The following STRADA variants were observed in gnomAD, a reference collection of about 807,000 sequenced individuals.
STRADA encodes the protein STE20 related adaptor alpha, also known as STE20-related kinase adapter protein alpha.
STRADA carries 26 observed loss-of-function variants against 55.0 expected under a neutral mutation model. The observed-to-expected ratio is 0.47, with a 90% confidence interval of 0.35 to 0.66. STRADA has a LOEUF of 0.66. STRADA is among the 30% of genes least tolerant of loss of function. The pLI is 0.01. For synonymous variants in STRADA, 197 were observed against 210.9 expected, an observed-to-expected ratio of 0.93 and a Z score of 0.57; for missense variants, 443 against 549.7, an observed-to-expected ratio of 0.81 and a Z score of 1.94.
intron 2 of STRADA, 113 bp downstream of exon 2, chr17:63,728,221 C>T: frequency 1.1e-6 from 1 of 935,428 alleles, no homozygotes. Context: ...CTACATCCCT[C>T]ACTTCCGTAT....
chr17:63,706,611 G>A, intron 10 of STRADA, 24 bp downstream of exon 10: 1 of 1,587,972 alleles, frequency 6.3e-7, no homozygotes, highest in South Asian at 1.1e-5. Context: ...AGGCAAGAAG[G>A]AAACCGATGG....
rs59155094 is a variant in STRADA at position 63,737,248 on chromosome 17, C to CAAAAAAAAAAAAAAAAAAAAAAAAAA, written c.-45+4467_-45+4492dup. ...TGGGTGACAGAGCAACACTCTATCT[C>CAAAAAAAAAAAAAAAAAAAAAAAAAA]AAAAAAAAAAAAAAAAAAAAAAAAA... is the stretch of plus-strand genomic sequence containing the variant. On this transcript the variant is annotated intron_variant, in intron 1 of 12. Coordinates refer to ENST00000336174, the MANE Select transcript of STRADA (RefSeq NM_001003787.4). The CAAAAAAAAAAAAAAAAAAAAAAAAAA allele has an allele frequency of 1.8e-4, 13 of 72,592 alleles. 1 individual carries two copies. Among genetic ancestry groups the CAAAAAAAAAAAAAAAAAAAAAAAAAA allele is most frequent in the South Asian group, 3.8e-4 (1 of 2,620 alleles). 4.5% of individuals were successfully genotyped at this position (72,592 alleles called of 1,614,324 possible).
intron 1 of STRADA, among the ~76,000 whole-genome samples, chr17:63,740,131 CAT>C (rs1568234036): frequency 2.8e-4 from 13 of 46,486 alleles, no homozygotes; most frequent in African/African-American, 1.7e-3. Context: ...TATATATACA[CAT>C]ACATATATAT....
chr17:63,705,471 T>C (rs985587349), intron 10 of STRADA: 28 of 161,288 alleles, frequency 1.7e-4, no homozygotes, highest in Non-Finnish European at 2.3e-4. Flanking sequence ...TTTACTGAGA[T>C]CTCCTAGATT....
intron 8 of STRADA, among the ~76,000 whole-genome samples, chr17:63,709,330 T>C (rs1250240854): frequency 6.6e-6 from 1 of 152,232 alleles, no homozygotes; most frequent in Non-Finnish European, 1.5e-5. Flanking sequence ...TTGTTTTTCA[T>C]TTGCTTTTCT....
At chr17:63,712,505 G>A (rs905674129) in intron 6 of STRADA, 1 of 152,374 alleles carries the variant, frequency 6.6e-6, no homozygotes, top group Admixed American at 6.5e-5. Context: ...TCGAGCTCAG[G>A]AGTTTGAGAC....
chr17:63,737,990 G>C (rs2038571594), intron 1 of STRADA, among the ~76,000 whole-genome samples: 1 of 148,886 alleles, frequency 6.7e-6, no homozygotes, highest in Non-Finnish European at 1.5e-5. Context: ...CCGTCGAAAA[G>C]AAAAGAAAAG....
chr17:63,714,069 TA>T lies in STRADA; in HGVS notation c.162del (p.Lys55AsnfsTer5). ...AGAAAGCTACTCATGACCTCCTGTTTAGAGAAGGATGCTATTGACTCTGAGC... is the reference window on the plus strand; with the variant it reads ...AGAAAGCTACTCATGACCTCCTGTTTGAGAAGGATGCTATTGACTCTGAGC... ...DASSESIASF[S>X]KQEVMSSFLP... On this transcript the variant is annotated frameshift_variant, in exon 5 of 13. Transcript: ENST00000336174. LOFTEE classifies it high-confidence loss of function. The T allele has an allele frequency of 4.3e-6, 7 of 1,613,892 alleles. No homozygotes were observed. The highest frequency in any genetic ancestry group is 5.9e-6 in the Non-Finnish European group (7 of 1,179,908).
chr17:63,721,982 A>G (rs1299127897), intron 4 of STRADA, among the ~76,000 whole-genome samples: 1 of 152,244 alleles, frequency 6.6e-6, no homozygotes, highest in Non-Finnish European at 1.5e-5. Context: ...AGTCTAGATC[A>G]TCTGACATTG....
At chr17:63,724,984 T>C (rs1015237908) in intron 3 of STRADA, among the ~76,000 whole-genome samples, 7 of 152,000 alleles carry the variant, frequency 4.6e-5, no homozygotes, top group Admixed American at 1.3e-4. Context: ...CTAACAAGTT[T>C]GAGTTTTCAA....
At chr17:63,739,140 C>CAAAAA (rs35963636) in intron 1 of STRADA, among the ~76,000 whole-genome samples, 15 of 69,358 alleles carry the variant, frequency 2.2e-4, no homozygotes, top group Middle Eastern at 0.011. Context: ...GACTCCATCT[C>CAAAAA]AAAAAAAAAA....
chr17:63,708,096 G>A (rs979731496), intron 8 of STRADA, among the ~76,000 whole-genome samples: 12 of 152,140 alleles, frequency 7.9e-5, no homozygotes, highest in African/African-American at 2.9e-4. Flanking sequence ...GGCCATGCCA[G>A]TCTTGAACTC....
chr17:63,719,830 T>C (rs956762222), intron 4 of STRADA, among the ~76,000 whole-genome samples: 25 of 152,228 alleles, frequency 1.6e-4, no homozygotes, highest in Admixed American at 4.6e-4. Context: ...CAGGCGTGCA[T>C]ATAAGCTTAT....
intron 2 of STRADA, chr17:63,726,937 T>C (rs2037702702): frequency 1.9e-6 from 1 of 535,442 alleles, no homozygotes; most frequent in Non-Finnish European, 3.3e-6. Flanking sequence ...AAATAGATAG[T>C]ACTGGCTGTA....
At chr17:63,731,457 G>A (rs1310821002) in intron 1 of STRADA, among the ~76,000 whole-genome samples, 1 of 151,240 alleles carries the variant, frequency 6.6e-6, no homozygotes, top group Non-Finnish European at 1.5e-5. Context: ...GTAGAGGCGG[G>A]GTTTCACCAT....
rs112757855 is a variant in STRADA at position 63,737,182 on chromosome 17, G to A, written c.-45+4559C>T. Among the ~76,000 whole-genome samples the A allele has an allele frequency of 9.4e-3, 1,366 of 144,968 alleles. 24 individuals are homozygous for A. The highest frequency in any genetic ancestry group is 0.033 in the African/African-American group (1,276 of 39,096). ...GAGAATCGCTTGAACCTGGGAGGCG[G>A]AGGTTGCAGTGAGTCAAGATCATGC... is the stretch of plus-strand genomic sequence containing the variant. On this transcript the variant is annotated intron_variant, in intron 1 of 12. Transcript: ENST00000336174.
intron 6 of STRADA, among the ~76,000 whole-genome samples, chr17:63,711,725 A>G (rs1166783056): frequency 6.6e-6 from 1 of 152,006 alleles, no homozygotes; most frequent in Non-Finnish European, 1.5e-5. Context: ...CTTGAGCCCA[A>G]GAGTTGGAGA....
At chr17:63,723,804 C>T (rs1275588735) in intron 3 of STRADA, 1 of 152,798 alleles carries the variant, frequency 6.5e-6, no homozygotes, top group Admixed American at 6.5e-5. Context: ...GTATGAAGGA[C>T]CATTACCCAA....
At chr17:63,708,696 G>A (rs575233790) in intron 8 of STRADA, among the ~76,000 whole-genome samples, 2 of 151,374 alleles carry the variant, frequency 1.3e-5, no homozygotes, top group South Asian at 4.2e-4. Context: ...CACCATGCCC[G>A]GCTAATTTTT....
Sources: allele counts gnomAD v4.1 joint callset (sites outside exome capture counted in the v4.1 genomes callset), GRCh38; gene constraint gnomAD v4.1.1; transcripts MANE v1.5; gene names NCBI Gene and HGNC (gene_info 2026-07-23, HGNC 2026-07-21).